ASPM: variants seen among roughly 807,000 people sequenced by gnomAD.
The protein encoded by ASPM is assembly factor for spindle microtubules.
A neutral mutation model predicts 366.4 loss-of-function variants in ASPM; 256 were observed. That is an observed-to-expected ratio of 0.70 (90% CI 0.63 to 0.77). The LOEUF is 0.77. Ranked by LOEUF, ASPM falls within the 30% of genes least tolerant of loss-of-function variation. The pLI is 0.00. For missense variants in ASPM, 4,146 were observed against 4,090.4 expected (o/e 1.01, Z -0.37); for synonymous variants, 1,414 against 1,342.9 (o/e 1.05, Z -1.16).
intron 16 of ASPM, among the ~76,000 whole-genome samples, chr1:197,120,031 A>C (rs1332285602): frequency 2.0e-5 from 3 of 152,156 alleles, no homozygotes; most frequent in Non-Finnish European, 4.4e-5. Context: ...ATTGTATAAA[A>C]GAGGGAGTAT....
In ASPM at chr1:197,143,258, G is replaced by A. The variant is rs200168598; in HGVS notation, c.994C>T (p.Leu332=). The A allele has an allele frequency of 1.5e-5, 24 of 1,612,272 alleles. No individual in the cohort carries two copies. The African/African-American group carries it at 2.7e-4, about 18-fold the overall frequency. The stretch of plus-strand genomic sequence containing the variant: ...GATGAAAGACATGTTACTAATTCTA[G>A]TTCATTATTAGCTCCATGACTATTA... The part of the protein sequence containing the change: ...VNNSHGANNE[L]ELVTCLSSDM... Residue 332 remains leucine (L), a synonymous_variant, in exon 3 of 28, where the codon CTA becomes TTA. Transcript: ENST00000367409.
chr1:197,112,498 T>C (rs918689791), intron 17 of ASPM, among the ~76,000 whole-genome samples: 6 of 152,052 alleles, frequency 3.9e-5, no homozygotes, highest in Non-Finnish European at 7.4e-5. Flanking sequence ...GAAAAATATA[T>C]TGGGCCCCCC....
chr1:197,138,307 CTTT>C (rs200515594), intron 4 of ASPM, among the ~76,000 whole-genome samples: 3 of 152,228 alleles, frequency 2.0e-5, no homozygotes, highest in East Asian at 1.9e-4. Flanking sequence ...GAGTTCACAC[CTTT>C]TTATTTCTTG....
Position 197,088,273 on chromosome 1 carries a change from T to A in ASPM, c.10144A>T (p.Thr3382Ser), listed in dbSNP as rs759672320. 2 of 1,613,194 alleles carry A rather than the reference T, an allele frequency of 1.2e-6. No individual in the cohort carries two copies. Among genetic ancestry groups the A allele is most frequent in the Non-Finnish European group, 1.7e-6 (2 of 1,179,608 alleles). Residue 3382 changes from threonine (T) to serine (S), a missense_variant, in exon 26 of 28, where the codon ACA (threonine) becomes TCA (serine). Thr to Ser is a moderately conservative substitution (Grantham distance 58, BLOSUM62 1). Around this residue, in one of 3 missense-constraint regions of ASPM, gnomAD observed 3,624 missense variants for 3,591.7 expected, o/e 1.01. Transcript: ENST00000367409. ...TCCLLAILLK[T>S]TNRASDVRSR... is the part of the protein sequence containing the mutation. ...ATACTTACAGAGGCTCTATTTGTTG[T>A]CTTCAGTAAAATAGCCAACAAACAA...
intron 17 of ASPM, among the ~76,000 whole-genome samples, chr1:197,110,513 A>G (rs1173903877): frequency 2.0e-5 from 3 of 152,068 alleles, no homozygotes; most frequent in Admixed American, 6.6e-5. Context: ...AAAGAAGAAA[A>G]GTGATAACTG....
At chr1:197,085,816 G>C (rs758300323) in intron 27 of ASPM, among the ~76,000 whole-genome samples, 1 of 152,174 alleles carries the variant, frequency 6.6e-6, no homozygotes, top group Admixed American at 6.5e-5. Context: ...TTGTATCTCA[G>C]TGGTGGTAGT....
chr1:197,115,439 C>T (rs1202169871), intron 17 of ASPM, among the ~76,000 whole-genome samples: 1 of 152,164 alleles, frequency 6.6e-6, no homozygotes, highest in African/African-American at 2.4e-5. Context: ...TTTTGACCTC[C>T]TCCTACGAAT....
At position 197,146,100 on chromosome 1, in the gene ASPM, A is replaced by C. The variant is rs1203233941; in HGVS notation, c.297+41T>G. 2.5e-6 allele frequency: 4 copies of C among 1,613,008 alleles called. No homozygotes were observed. In the African/African-American group the frequency reaches 5.3e-5, roughly 22 times the overall value. ...AGGGTGGCAGGAAAGATAGCGGAGA[A>C]GCAGAACACCGGCCTGGAGCACGCT... On this transcript the variant is annotated intron_variant, in intron 1 of 27. Coordinates refer to ENST00000367409, the MANE Select transcript of ASPM (RefSeq NM_018136.5).
chr1:197,129,374 T>A, intron 8 of ASPM, 57 bp from the exon 9 acceptor site: 1 of 1,542,242 alleles, frequency 6.5e-7, no homozygotes, highest in Non-Finnish European at 8.9e-7. Flanking sequence ...AGGTTTCATC[T>A]TAAAATATGA....
chr1:197,092,407 T>C (rs151326233), intron 21 of ASPM, among the ~76,000 whole-genome samples: 2 of 151,972 alleles, frequency 1.3e-5, no homozygotes, highest in African/African-American at 4.8e-5. Context: ...GAAATGGTGA[T>C]ATTAAATCAG....
In ASPM at chr1:197,086,871, T is replaced by C; in HGVS notation, c.10263A>G (p.Gln3421=). ...KMNTERILYK[Q]KKNSSISIPF... The stretch of plus-strand genomic sequence containing the variant: ...GAATGCTTATAGAAGAATTCTTCTT[T>C]TGCTTGTAAAGTATTCTTTCAGTAT... The change falls in exon 27 of 28, where the codon CAA becomes CAG. Residue 3421 remains glutamine, a synonymous_variant. Transcript: ENST00000367409. 6.2e-7 allele frequency: 1 copy of C among 1,611,882 alleles called. No homozygotes were observed. Among genetic ancestry groups the C allele is most frequent in the Non-Finnish European group, 8.5e-7 (1 of 1,178,470 alleles).
chr1:197,103,644 T>TG lies in ASPM; in HGVS notation c.5606dup (p.His1870ThrfsTer26). On this transcript the variant is annotated frameshift_variant, in exon 18 of 28. Coordinates refer to ENST00000367409, the MANE Select transcript of ASPM (RefSeq NM_018136.5). LOFTEE classifies it high-confidence loss of function. ...CAGCTGCCTTTGTCTTCAAAAAATG[T>TG]GTTCTTGTATCATGAAGAGTCTTGT... 1 of 1,612,880 alleles carries TG rather than the reference T, an allele frequency of 6.2e-7. No homozygotes were observed. The highest frequency in any genetic ancestry group is 1.1e-5 in the South Asian group (1 of 91,056).
intron 4 of ASPM, among the ~76,000 whole-genome samples, chr1:197,138,251 C>T (rs1054422456): frequency 6.6e-6 from 1 of 152,134 alleles, no homozygotes; most frequent in Non-Finnish European, 1.5e-5. Flanking sequence ...ATCCTAAGTG[C>T]CAGGATACAG....
chr1:197,140,290 A>G (rs1658541417), intron 3 of ASPM, among the ~76,000 whole-genome samples: 1 of 152,256 alleles, frequency 6.6e-6, no homozygotes, highest in Non-Finnish European at 1.5e-5. Context: ...TGAAATTAAA[A>G]TTAGGCATGA....
chr1:197,100,103 A>C (rs925700591), intron 18 of ASPM, among the ~76,000 whole-genome samples: 6 of 151,754 alleles, frequency 4.0e-5, no homozygotes, highest in African/African-American at 1.4e-4. Context: ...ACTTTATCTT[A>C]GCTTATATTT....
intron 17 of ASPM, among the ~76,000 whole-genome samples, chr1:197,113,429 A>T (rs562143256): frequency 6.6e-6 from 1 of 152,340 alleles, no homozygotes; most frequent in Middle Eastern, 3.4e-3. Flanking sequence ...AAGGGCAAGG[A>T]TGGTCATTTC....
chr1:197,121,194 CA>C (rs1657896834), intron 16 of ASPM, among the ~76,000 whole-genome samples: 1 of 151,500 alleles, frequency 6.6e-6, no homozygotes, highest in Non-Finnish European at 1.5e-5. Context: ...AATAGGGTGA[CA>C]AAAAGAGTGA....
chr1:197,121,835 TA>T, intron 16 of ASPM, 79 bp downstream of exon 16: 2 of 1,485,524 alleles, frequency 1.3e-6, no homozygotes, highest in Non-Finnish European at 1.9e-6. Flanking sequence ...CCATAAAATG[TA>T]AAATCATATC....
In ASPM at chr1:197,122,278, C is replaced by G; in HGVS notation, c.3622G>C (p.Glu1208Gln). The stretch of plus-strand genomic sequence containing the variant: ...TTTTTCTTTTCATTTTCTAGGAGCT[C>G]TTTGTATAGCTCTGAAGTATTTTCT... ...DHENTSELYK[E>Q]LLENEKKNFH... Residue 1208 changes from glutamate (E) to glutamine (Q), a missense_variant, in exon 15 of 28, where the codon GAG becomes CAG. This residue lies in a region of ASPM where 3,624 missense variants were observed against 3,591.7 expected (regional missense o/e 1.01). Coordinates refer to ENST00000367409, the MANE Select transcript of ASPM (RefSeq NM_018136.5). 6.2e-7 allele frequency: 1 copy of G among 1,613,680 alleles called. No homozygotes were observed. Among genetic ancestry groups the G allele is most frequent in the Non-Finnish European group, 8.5e-7 (1 of 1,179,718 alleles).
Sources: gnomAD v4.1 joint callset for allele counts (sites outside exome capture counted in the v4.1 genomes callset) on GRCh38, gnomAD v4.1.1 for gene constraint, gnomAD v4.1.1 regional missense constraint, MANE v1.5 for transcripts, NCBI Gene and HGNC (gene_info 2026-07-23, HGNC 2026-07-21) for gene names.